The following DGKH variants were observed in gnomAD, a reference collection of about 807,000 sequenced individuals.
The protein encoded by DGKH is diacylglycerol kinase eta, also known as DAG kinase eta.
DGKH carries 90 observed loss-of-function variants against 159.3 expected under a neutral mutation model. The observed-to-expected ratio is 0.57, with a 90% CI of 0.48 to 0.67. DGKH has a LOEUF of 0.67. Among genes scored for constraint, DGKH ranks in the 30% least tolerant of loss-of-function variants. The probability of loss-of-function intolerance (pLI) is 0.00; values close to 1 mark genes in which losing one functional copy is unlikely to be tolerated. For missense variants in DGKH, 1,181 were observed against 1,506.1 expected (o/e 0.78, Z 3.57); for synonymous variants, 536 against 553.8 (o/e 0.97, Z 0.45).
chr13:42,126,800 C>G (rs573843475), intron 1 of DGKH, among the ~76,000 whole-genome samples: 1 of 152,288 alleles, frequency 6.6e-6, no homozygotes, highest in African/African-American at 2.4e-5. Context: ...GGGCCCTTGT[C>G]TGGGAACATT....
At chr13:42,109,445 C>A (rs757275241) in intron 1 of DGKH, among the ~76,000 whole-genome samples, 1 of 152,194 alleles carries the variant, frequency 6.6e-6, no homozygotes, top group African/African-American at 2.4e-5. Context: ...TGGACGATTA[C>A]ACCACAACGC....
intron 12 of DGKH, 79 bp downstream of exon 12, chr13:42,174,223 T>C (rs1393670143): frequency 8.5e-7 from 1 of 1,170,404 alleles, no homozygotes; most frequent in African/African-American, 1.6e-5. Flanking sequence ...AGAGAAAATG[T>C]ACTCCTAATA....
intron 3 of DGKH, among the ~76,000 whole-genome samples, chr13:42,134,410 G>GT (rs1312336327): frequency 6.6e-6 from 1 of 152,058 alleles, no homozygotes; most frequent in Admixed American, 6.5e-5. Context: ...TAATAACTTT[G>GT]TTTTTTCAGT....
intron 2 of DGKH, among the ~76,000 whole-genome samples, chr13:42,128,640 C>CGA (rs35861178): frequency 3.3e-5 from 5 of 151,614 alleles, no homozygotes; most frequent in Non-Finnish European, 5.9e-5. Context: ...CCATGATTCA[C>CGA]GAGAGAGAGT....
Position 42,048,806 on chromosome 13 carries a change from G to A in DGKH, c.33G>A (p.Pro11=), listed in dbSNP as rs751072215. ...GGGCCGGAGGCCAGCACCACCCTCC[G>A]GGCGCCGCTGGAGGAGCGGCCGCCG... MAGAGGQHHP[P]GAAGGAAAGA... The change falls in exon 1 of 30, where the codon CCG becomes CCA. Residue 11 remains proline, a synonymous_variant. Coordinates refer to ENST00000337343, the MANE Select transcript of DGKH (RefSeq NM_178009.5). The surrounding 1 kb of genome is among the most constrained non-coding windows in gnomAD (Gnocchi z 6.7). The A allele has an allele frequency of 7.6e-7, 1 of 1,322,538 alleles. No homozygotes were observed. Among genetic ancestry groups the A allele is most frequent in the Non-Finnish European group, 9.7e-7 (1 of 1,032,234 alleles). 81.9% of individuals were successfully genotyped at this position (1,322,538 alleles called of 1,614,324 possible).
At chr13:42,249,242 C>T (rs1233446973) in intron 29 of DGKH, among the ~76,000 whole-genome samples, 1 of 151,968 alleles carries the variant, frequency 6.6e-6, no homozygotes, top group South Asian at 2.1e-4. Context: ...TGCTTGGTGG[C>T]GCATGCCTGT....
chr13:42,166,398 T>A (rs942874291), intron 8 of DGKH, 117 bp from the exon 9 acceptor site: 246 of 922,274 alleles, frequency 2.7e-4, no homozygotes, highest in Non-Finnish European at 3.4e-4. Flanking sequence ...TTTGGAGAGC[T>A]AAATTATAAC....
intron 1 of DGKH, among the ~76,000 whole-genome samples, chr13:42,058,741 AG>A (rs1881933488): frequency 6.6e-6 from 1 of 152,212 alleles, no homozygotes; most frequent in Non-Finnish European, 1.5e-5. Context: ...AGTGAAATAC[AG>A]GTGAGAGTGA....
chr13:42,148,944 C>CTTTT (rs11287579), intron 3 of DGKH, among the ~76,000 whole-genome samples: 7 of 80,098 alleles, frequency 8.7e-5, no homozygotes, highest in Non-Finnish European at 1.4e-4. Context: ...CCCGCCCCTT[C>CTTTT]TTTTTTTTTT....
intron 5 of DGKH, among the ~76,000 whole-genome samples, chr13:42,157,811 A>G (rs1956080075): frequency 6.6e-6 from 1 of 152,212 alleles, no homozygotes; most frequent in South Asian, 2.1e-4. Context: ...GCTGGAGTGC[A>G]GTGGCATGAT....
Position 42,154,671 on chromosome 13 carries a change from T to C in DGKH, c.385-620T>C, listed in dbSNP as rs375330168. Among the ~76,000 whole-genome samples, 27 of 152,282 alleles carry C rather than the reference T, an allele frequency of 1.8e-4. No homozygotes were observed. In the East Asian group the frequency reaches 2.7e-3, roughly 15 times the overall value. On this transcript the variant is annotated intron_variant, in intron 3 of 29. Transcript: ENST00000337343. ...GTGGGGGAAGAATCTTCATAAATCATTAAAATAGACAGTGGAAGTGATATG... is the reference window on the plus strand; with the variant it reads ...GTGGGGGAAGAATCTTCATAAATCACTAAAATAGACAGTGGAAGTGATATG...
At chr13:42,075,960 A>G (rs1954087683) in intron 1 of DGKH, among the ~76,000 whole-genome samples, 1 of 152,228 alleles carries the variant, frequency 6.6e-6, no homozygotes, top group Non-Finnish European at 1.5e-5. Context: ...AGCTTTAAGT[A>G]TCATACAATA....
At chr13:42,103,781 G>A (rs1954695103) in intron 1 of DGKH, among the ~76,000 whole-genome samples, 1 of 152,156 alleles carries the variant, frequency 6.6e-6, no homozygotes, top group Non-Finnish European at 1.5e-5. Flanking sequence ...CATTCCCTAA[G>A]CACATGACTT....
At chr13:42,064,052 T>C (rs933790803) in intron 1 of DGKH, among the ~76,000 whole-genome samples, 2 of 152,132 alleles carry the variant, frequency 1.3e-5, no homozygotes, top group African/African-American at 4.8e-5. Flanking sequence ...AATGTCCTTA[T>C]ATATGCGAGA....
intron 1 of DGKH, among the ~76,000 whole-genome samples, chr13:42,084,015 G>A (rs568194690): frequency 5.9e-5 from 9 of 152,002 alleles, no homozygotes; most frequent in African/African-American, 9.7e-5. Flanking sequence ...TAGAGACAGC[G>A]ACCAAAATAT....
intron 19 of DGKH, 22 bp from the exon 20 acceptor site, chr13:42,199,791 G>T (rs1957302147): frequency 1.3e-6 from 2 of 1,587,888 alleles, no homozygotes; most frequent in South Asian, 1.2e-5. Flanking sequence ...TCCTGAAATT[G>T]CCTGCCAATA....
intron 1 of DGKH, among the ~76,000 whole-genome samples, chr13:42,063,711 G>A (rs532373853): frequency 5.3e-5 from 8 of 152,216 alleles, no homozygotes; most frequent in African/African-American, 1.9e-4. Context: ...AAGCTGAGGC[G>A]GGTGGGTCAC....
chr13:42,157,397 G>A (rs1173322156), intron 5 of DGKH, among the ~76,000 whole-genome samples: 3 of 152,164 alleles, frequency 2.0e-5, no homozygotes, highest in Non-Finnish European at 2.9e-5. Flanking sequence ...AATTGAGTCA[G>A]TAGTGGAATG....
chr13:42,165,473 T>C (rs1453410885), intron 8 of DGKH, 40 bp downstream of exon 8: 1 of 1,135,622 alleles, frequency 8.8e-7, no homozygotes, highest in Non-Finnish European at 1.2e-6. Flanking sequence ...TTCTGGTATA[T>C]TTAACATTGA....
Sources: allele counts gnomAD v4.1 joint callset (sites outside exome capture counted in the v4.1 genomes callset), GRCh38; gene constraint gnomAD v4.1.1; non-coding constraint Gnocchi (gnomAD v3.1); transcripts MANE v1.5; gene names NCBI Gene and HGNC (gene_info 2026-07-23, HGNC 2026-07-21).